Variants in CD63 observed in about 807,000 individuals in gnomAD.
CD63 encodes the protein CD63 molecule.
CD63 carries 16 observed loss-of-function variants against 29.2 expected under a neutral mutation model. That is an observed-to-expected ratio of 0.55 (90% CI 0.37 to 0.83). The LOEUF (loss-of-function observed/expected upper bound fraction) is 0.83. Among genes scored for constraint, CD63 ranks in the 40% least tolerant of loss-of-function variants. The pLI is 0.00. For synonymous variants in CD63, 118 were observed against 111.7 expected (o/e 1.06, Z -0.36); for missense variants, 251 against 297.3 (o/e 0.84, Z 1.15).
At chr12:55,724,253 A>G, downstream of CD63, 3 of 1,577,254 alleles carry the variant, frequency 1.9e-6, no homozygotes, top group South Asian at 1.1e-5. Context: ...CCAGGGCCCC[A>G]GAAGACAGTA....
Position 55,728,416 on chromosome 12 carries a change from C to T in CD63, c.-11-64G>A, listed in dbSNP as rs530735098. 32 of 1,552,684 alleles carry T rather than the reference C, an allele frequency of 2.1e-5. No homozygotes were observed. In the South Asian group the frequency reaches 2.3e-4, roughly 11 times the overall value. On this transcript the variant is annotated intron_variant, in intron 1 of 7. Transcript: ENST00000257857. The surrounding 1 kb of genome is among the most constrained non-coding windows in gnomAD (Gnocchi z 4.8). ...GAAGGGGGACCTCGGTTTCCGGGCTCCCGGCCGGCCCTCGAGGGCTTCCCT... is the reference window on the plus strand; with the variant it reads ...GAAGGGGGACCTCGGTTTCCGGGCTTCCGGCCGGCCCTCGAGGGCTTCCCT...
In CD63 at chr12:55,728,110, T is replaced by G. The variant is rs552827136; in HGVS notation, c.66+166A>C. Among the ~76,000 whole-genome samples the G allele has an allele frequency of 6.6e-6, 1 of 150,400 alleles. No individual in the cohort carries two copies. Among genetic ancestry groups the G allele is most frequent in the Non-Finnish European group, 1.5e-5 (1 of 67,312 alleles). ...ATTCTCGGTGGAAACAAGCCTCAGG[T>G]GTCCAGGAAAACTGGAGGAGGGAGT... On this transcript the variant is annotated intron_variant, in intron 2 of 7. Coordinates refer to ENST00000257857, the MANE Select transcript of CD63 (RefSeq NM_001780.6). This position sits in a 1 kb window ranked among gnomAD's most constrained non-coding sequence, Gnocchi z 4.8.
intron 3 of CD63, 38 bp from the exon 4 acceptor site, chr12:55,727,002 A>G (rs1354683816): frequency 2.5e-6 from 4 of 1,605,612 alleles, no homozygotes; most frequent in African/African-American, 2.7e-5. Flanking sequence ...TTTGGAGTCT[A>G]TGCATTACAG....
chr12:55,728,435 C>A lies in CD63; in HGVS notation c.-11-83G>T. The A allele has an allele frequency of 1.3e-6, 2 of 1,536,718 alleles. No homozygotes were observed. Among genetic ancestry groups the A allele is most frequent in the Non-Finnish European group, 8.8e-7 (1 of 1,141,544 alleles). On this transcript the variant is annotated intron_variant, in intron 1 of 7. Transcript: ENST00000257857. The surrounding 1 kb of genome is among the most constrained non-coding windows in gnomAD (Gnocchi z 4.8). ...CGGGCTCCCGGCCGGCCCTCGAGGGCTTCCCTTCACGGCCCCGATTCCCGG... is the reference window on the plus strand; with the variant it reads ...CGGGCTCCCGGCCGGCCCTCGAGGGATTCCCTTCACGGCCCCGATTCCCGG...
chr12:55,727,343 A>G lies in CD63; in HGVS notation c.67-4T>C. 1 of 1,610,344 alleles carries G rather than the reference A, an allele frequency of 6.2e-7. No individual in the cohort carries two copies. The highest frequency in any genetic ancestry group is 8.5e-7 in the Non-Finnish European group (1 of 1,177,654). On this transcript the variant is annotated splice_polypyrimidine_tract_variant and splice_region_variant and intron_variant, in intron 2 of 7. Coordinates refer to ENST00000257857, the MANE Select transcript of CD63 (RefSeq NM_001780.6). Reference sequence around the variant, plus strand: ...CAATCAGTCCCACTGCACAGGCCTAAGAGAAAATCAGGTGAGGATTAGGCC... The same window carrying G: ...CAATCAGTCCCACTGCACAGGCCTAGGAGAAAATCAGGTGAGGATTAGGCC...
chr12:55,728,886 G>A lies in CD63; in HGVS notation c.-12+67C>T, dbSNP rs1877720142. ...TCTCCGCGGGCCTGGGGCGAGCCCTGGAGGAAGGGACTGCGGGTGGTCTCT... is the reference window on the plus strand; with the variant it reads ...TCTCCGCGGGCCTGGGGCGAGCCCTAGAGGAAGGGACTGCGGGTGGTCTCT... On this transcript the variant is annotated intron_variant, in intron 1 of 7. Coordinates refer to ENST00000257857, the MANE Select transcript of CD63 (RefSeq NM_001780.6). The surrounding 1 kb of genome is among the most constrained non-coding windows in gnomAD (Gnocchi z 4.8). 1 of 987,292 alleles carries A rather than the reference G, an allele frequency of 1.0e-6. No individual in the cohort carries two copies. Among genetic ancestry groups the A allele is most frequent in the African/African-American group, 1.7e-5 (1 of 57,188 alleles). The allele number at this position is 987,292 out of a possible 1,614,324, so 61.2% of individuals were successfully genotyped here.
At chr12:55,726,288 G>A in intron 5 of CD63, 27 bp from the exon 6 acceptor site, 2 of 1,457,812 alleles carry the variant, frequency 1.4e-6, no homozygotes, top group Non-Finnish European at 1.9e-6. Context: ...ATATGGAGAA[G>A]AAGGTTGTTA....
In CD63 at chr12:55,728,351, G is replaced by T; in HGVS notation, c.-10C>A. ...CTCCTTCCACCGCCATGGCTGCCGG[G>T]CCTGGGGCAGAGGGGAGGGCGGGGG... On this transcript the variant is annotated splice_region_variant and 5_prime_UTR_variant, in exon 2 of 8. Coordinates refer to ENST00000257857, the MANE Select transcript of CD63 (RefSeq NM_001780.6). This position sits in a 1 kb window ranked among gnomAD's most constrained non-coding sequence, Gnocchi z 4.8. 6.2e-7 allele frequency: 1 copy of T among 1,609,088 alleles called. No individual in the cohort carries two copies. Among genetic ancestry groups the T allele is most frequent in the South Asian group, 1.1e-5 (1 of 89,888 alleles).
At chr12:55,724,559 G>C (rs891950724), downstream of CD63, 1 of 1,605,056 alleles carries the variant, frequency 6.2e-7, no homozygotes, top group Non-Finnish European at 8.5e-7. Flanking sequence ...CAGCCTTCCA[G>C]CAAGAGATTG....
upstream of CD63, chr12:55,729,057 G>A (rs1332570522): frequency 1.0e-4 from 99 of 984,802 alleles, no homozygotes; most frequent in Non-Finnish European, 1.2e-4. Flanking sequence ...GCCCCGCCCC[G>A]GGCTCCAGCC....
At chr12:55,726,499 C>A (rs907025005) in intron 5 of CD63, 2 of 625,124 alleles carry the variant, frequency 3.2e-6, no homozygotes, top group African/African-American at 1.8e-5. Flanking sequence ...CACTCACCAC[C>A]ACACCTGGCT....
At chr12:55,727,437 A>C in intron 2 of CD63, 98 bp from the exon 3 acceptor site, 2 of 1,294,442 alleles carry the variant, frequency 1.5e-6, no homozygotes, top group Non-Finnish European at 2.1e-6. Context: ...ACTTGACCCC[A>C]TCCGGAAGAG....
chr12:55,727,183 C>T lies in CD63; in HGVS notation c.223G>A (p.Ala75Thr), dbSNP rs1877494909. 8 of 1,613,718 alleles carry T rather than the reference C, an allele frequency of 5.0e-6. No homozygotes were observed. Among genetic ancestry groups the T allele is most frequent in the Non-Finnish European group, 6.8e-6 (8 of 1,179,948 alleles). The change falls in exon 3 of 8, where the codon GCC becomes ACC. Residue 75 changes from alanine to threonine, a missense_variant. Transcript: ENST00000257857. ...FLVAFVGCCG[A>T]CKENYCLMIT... The stretch of plus-strand genomic sequence containing the variant: ...ATAAGACAATAGTTCTCCTTGCAGG[C>T]CCCGCAGCAGCCCACAAAAGCCACC...
chr12:55,724,175 C>G, downstream of CD63: 1 of 1,454,110 alleles, frequency 6.9e-7, no homozygotes, highest in Non-Finnish European at 9.4e-7. Context: ...CAGGATGTTA[C>G]AAGAGTGCCC....
chr12:55,726,168 T>C lies in CD63; in HGVS notation c.520A>G (p.Thr174Ala). The change falls in exon 6 of 8, where the codon ACT becomes GCT. Residue 174 changes from threonine to alanine, a missense_variant. By Grantham distance (58) the Thr-to-Ala change is moderately conservative (BLOSUM62 0). Transcript: ENST00000257857. ...TTGAAATTAATCCCACAGCCCACAG[T>C]AACATTAATGCAGCAGGAGTCGGGG... is the stretch of plus-strand genomic sequence containing the variant. Reference protein sequence around the residue: ...RVPDSCCINVTVGCGINFNEK... With the variant: ...RVPDSCCINVAVGCGINFNEK... 1 of 1,613,826 alleles carries C rather than the reference T, an allele frequency of 6.2e-7. No individual in the cohort carries two copies. The highest frequency in any genetic ancestry group is 8.5e-7 in the Non-Finnish European group (1 of 1,179,930).
At chr12:55,723,575 A>G, downstream of CD63, 1 of 356,332 alleles carries the variant, frequency 2.8e-6, no homozygotes, top group Non-Finnish European at 5.3e-6. Flanking sequence ...AAATGGTTAC[A>G]TTGTAAACTG....
At chr12:55,725,713 C>G in intron 7 of CD63, 87 bp from the exon 8 acceptor site, 1 of 1,517,076 alleles carries the variant, frequency 6.6e-7, no homozygotes, top group Non-Finnish European at 9.2e-7. Flanking sequence ...AACACACACT[C>G]CCAGGCCAGT....
chr12:55,724,183 C>T (rs771310409), downstream of CD63: 469 of 1,447,870 alleles, frequency 3.2e-4, no homozygotes, highest in Non-Finnish European at 4.2e-4. Context: ...TACAAGAGTG[C>T]CCAGGCCATG....
chr12:55,728,411 G>T lies in CD63; in HGVS notation c.-11-59C>A. On this transcript the variant is annotated intron_variant, in intron 1 of 7. Coordinates refer to ENST00000257857, the MANE Select transcript of CD63 (RefSeq NM_001780.6). This position sits in a 1 kb window ranked among gnomAD's most constrained non-coding sequence, Gnocchi z 4.8. ...TGGCCGAAGGGGGACCTCGGTTTCCGGGCTCCCGGCCGGCCCTCGAGGGCT... is the reference window on the plus strand; with the variant it reads ...TGGCCGAAGGGGGACCTCGGTTTCCTGGCTCCCGGCCGGCCCTCGAGGGCT... The T allele has an allele frequency of 6.4e-7, 1 of 1,557,698 alleles. No homozygotes were observed. The highest frequency in any genetic ancestry group is 8.7e-7 in the Non-Finnish European group (1 of 1,151,670).
Sources: gnomAD v4.1 joint callset for allele counts (sites outside exome capture counted in the v4.1 genomes callset) on GRCh38, gnomAD v4.1.1 for gene constraint, Gnocchi (gnomAD v3.1) non-coding constraint, MANE v1.5 for transcripts, NCBI Gene and HGNC (gene_info 2026-07-23, HGNC 2026-07-21) for gene names.